MBD5: variants seen among roughly 807,000 people sequenced by gnomAD.
The protein encoded by MBD5 is methyl-CpG binding domain protein 5, also known as methyl-CpG-binding domain protein 5.
MBD5 carries 13 observed loss-of-function variants against 117.3 expected under a neutral mutation model. The observed-to-expected ratio is 0.11, with a 90% confidence interval of 0.07 to 0.18. The LOEUF (loss-of-function observed/expected upper bound fraction) is 0.18. Ranked by LOEUF, MBD5 falls within the 10% of genes least tolerant of loss-of-function variation. The pLI, the probability that MBD5 is intolerant of heterozygous loss-of-function variation, is 1.00. For synonymous variants in MBD5, 727 were observed against 766.4 expected (o/e 0.95, Z 0.85); for missense variants, 1,879 against 2,093.8 (o/e 0.90, Z 2.00).
intron 2 of MBD5, among the ~76,000 whole-genome samples, chr2:148,212,537 T>C (rs1472296488): frequency 6.6e-6 from 1 of 152,172 alleles, no homozygotes; most frequent in Non-Finnish European, 1.5e-5. Flanking sequence ...AAGCCTGAAA[T>C]TATAGTTTGG....
intron 7 of MBD5, among the ~76,000 whole-genome samples, chr2:148,467,771 G>A (rs1680602803): frequency 6.6e-6 from 1 of 152,062 alleles, no homozygotes; most frequent in Admixed American, 6.6e-5. Context: ...TGAAAATGTT[G>A]GGATAAGGAA....
intron 4 of MBD5, among the ~76,000 whole-genome samples, chr2:148,399,648 C>T (rs945763345): frequency 1.3e-5 from 2 of 151,986 alleles, no homozygotes; most frequent in African/African-American, 2.4e-5. Context: ...CCTTTATTTC[C>T]TTCTCCTGCC....
At chr2:148,300,905 T>A (rs971636984) in intron 3 of MBD5, among the ~76,000 whole-genome samples, 2 of 152,248 alleles carry the variant, frequency 1.3e-5, no homozygotes, top group Admixed American at 6.5e-5. Context: ...AGTGGCAACA[T>A]CTATCCTGCA....
intron 1 of MBD5, among the ~76,000 whole-genome samples, chr2:148,124,784 T>C (rs1696851247): frequency 6.6e-6 from 1 of 152,056 alleles, no homozygotes; most frequent in Non-Finnish European, 1.5e-5. Flanking sequence ...ATCTGGAGTA[T>C]CCTACAATTG....
At chr2:148,422,590 G>A (rs886474591) in intron 4 of MBD5, among the ~76,000 whole-genome samples, 1 of 152,166 alleles carries the variant, frequency 6.6e-6, no homozygotes, top group Non-Finnish European at 1.5e-5. Flanking sequence ...TGAGTTTGAC[G>A]AATTGACAGA....
intron 1 of MBD5, among the ~76,000 whole-genome samples, chr2:148,110,627 G>A (rs1024990876): frequency 1.3e-5 from 2 of 151,142 alleles, no homozygotes; most frequent in African/African-American, 4.9e-5. Flanking sequence ...CTTCCATTTG[G>A]GAATTGTTCC....
intron 1 of MBD5, among the ~76,000 whole-genome samples, chr2:148,094,597 A>G (rs1421492770): frequency 6.6e-6 from 1 of 152,172 alleles, no homozygotes; most frequent in African/African-American, 2.4e-5. Context: ...ATGACTATAT[A>G]AAGCAGTTCC....
chr2:148,340,512 T>C lies in MBD5; in HGVS notation c.-679-1702T>C, dbSNP rs186971192. ...TCTCCATGTTTTAATTTTACAGTAA[T>C]GAAGTAATTTCTTAGCGGTTTGGTA... On this transcript the variant is annotated intron_variant, in intron 3 of 13. Coordinates refer to ENST00000642680, the MANE Select transcript of MBD5 (RefSeq NM_001378120.1). 1.0e-3 allele frequency among the ~76,000 whole-genome samples: 154 copies of C among 152,248 alleles called. 1 individual carries two copies. Among genetic ancestry groups the C allele is most frequent in the Non-Finnish European group, 1.0e-3 (70 of 68,004 alleles).
intron 1 of MBD5, among the ~76,000 whole-genome samples, chr2:148,134,528 G>C (rs889747690): frequency 5.9e-5 from 9 of 152,026 alleles, no homozygotes; most frequent in African/African-American, 1.9e-4. Flanking sequence ...TGAAAAGTAT[G>C]AACTAAATAA....
At chr2:148,359,264 C>T (rs865854418) in intron 4 of MBD5, among the ~76,000 whole-genome samples, 2 of 79,672 alleles carry the variant, frequency 2.5e-5, no homozygotes, top group Middle Eastern at 5.7e-3. Flanking sequence ...AAGGCTCTGT[C>T]TCAAAAAAAA....
At chr2:148,035,052 A>G (rs1239639529) in intron 1 of MBD5, among the ~76,000 whole-genome samples, 1 of 152,158 alleles carries the variant, frequency 6.6e-6, no homozygotes, top group African/African-American at 2.4e-5. Flanking sequence ...CAGAGTTGTC[A>G]TGACTATGAA....
chr2:148,356,479 C>T (rs1321458881), intron 4 of MBD5, among the ~76,000 whole-genome samples: 1 of 152,134 alleles, frequency 6.6e-6, no homozygotes, highest in Non-Finnish European at 1.5e-5. Context: ...TCTGTTCTAA[C>T]TAATTTAATC....
chr2:148,327,564 C>G (rs994698649), intron 3 of MBD5, among the ~76,000 whole-genome samples: 2 of 151,768 alleles, frequency 1.3e-5, no homozygotes, highest in Non-Finnish European at 2.9e-5. Context: ...TTTCTCTAAA[C>G]TTCCCTTCTC....
chr2:148,291,220 G>C (rs778019355), intron 3 of MBD5, among the ~76,000 whole-genome samples: 7 of 152,074 alleles, frequency 4.6e-5, no homozygotes, highest in Non-Finnish European at 1.0e-4. Flanking sequence ...TAAGATCAAC[G>C]TACCAATTTT....
At chr2:148,470,566 A>G (rs1680764380) in intron 8 of MBD5, 105 bp downstream of exon 8, 8 of 894,412 alleles carry the variant, frequency 8.9e-6, no homozygotes, top group Non-Finnish European at 1.2e-5. Context: ...TCCTTTCCCC[A>G]TTGTGAAATT....
At chr2:148,154,503 G>T (rs879052026) in intron 1 of MBD5, among the ~76,000 whole-genome samples, 2 of 152,200 alleles carry the variant, frequency 1.3e-5, no homozygotes, top group Non-Finnish European at 2.9e-5. Context: ...AAGCAAGCCT[G>T]GGCAATGGTG....
intron 4 of MBD5, among the ~76,000 whole-genome samples, chr2:148,364,618 A>G (rs1559040961): frequency 1.3e-5 from 2 of 152,338 alleles, no homozygotes; most frequent in East Asian, 1.9e-4. Flanking sequence ...AAAGACACAC[A>G]TAGGCTCAGA....
intron 1 of MBD5, among the ~76,000 whole-genome samples, chr2:148,113,522 G>T (rs973611757): frequency 2.6e-5 from 4 of 152,190 alleles, no homozygotes; most frequent in Non-Finnish European, 4.4e-5. Flanking sequence ...GTAGAGAAAT[G>T]ATTTCATTGC....
At chr2:148,034,711 G>A (rs1573934347) in intron 1 of MBD5, among the ~76,000 whole-genome samples, 2 of 152,098 alleles carry the variant, frequency 1.3e-5, no homozygotes, top group Admixed American at 6.6e-5. Flanking sequence ...AAAATTTAAC[G>A]TGAAGAATAC....
Sources: gnomAD v4.1 joint callset for allele counts (sites outside exome capture counted in the v4.1 genomes callset) on GRCh38, gnomAD v4.1.1 for gene constraint, MANE v1.5 for transcripts, NCBI Gene and HGNC (gene_info 2026-07-23, HGNC 2026-07-21) for gene names.